The following CACNA2D3 variants were observed in gnomAD, a reference collection of about 807,000 sequenced individuals.
CACNA2D3 encodes calcium voltage-gated channel auxiliary subunit alpha2delta 3.
Under a neutral mutation model 160.6 loss-of-function variants are expected in CACNA2D3, and 60 were observed. The observed-to-expected ratio is 0.37, with a 90% CI of 0.30 to 0.46. The LOEUF is 0.46. CACNA2D3 is among the 20% of genes least tolerant of loss of function. The probability of loss-of-function intolerance (pLI) is 1.00; values close to 1 mark genes in which losing one functional copy is unlikely to be tolerated. For synonymous variants in CACNA2D3, 558 were observed against 492.9 expected (o/e 1.13, Z -1.75); for missense variants, 1,205 against 1,365.0 (o/e 0.88, Z 1.85).
At chr3:54,786,584 C>A (rs187983661) in intron 13 of CACNA2D3, among the ~76,000 whole-genome samples, 6 of 152,134 alleles carry the variant, frequency 3.9e-5, no homozygotes, top group African/African-American at 9.7e-5. Context: ...CCACAGTCTT[C>A]CTTGGCCTAG....
chr3:55,046,301 T>C (rs1310413571), intron 35 of CACNA2D3, among the ~76,000 whole-genome samples: 7 of 130,208 alleles, frequency 5.4e-5, no homozygotes, highest in Non-Finnish European at 9.8e-5. Context: ...CCTTCCTGTG[T>C]CCATGTGACC....
At chr3:54,808,775 C>T (rs1019537333) in intron 13 of CACNA2D3, among the ~76,000 whole-genome samples, 2 of 152,242 alleles carry the variant, frequency 1.3e-5, no homozygotes, top group South Asian at 2.1e-4. Flanking sequence ...CAGACCCTAT[C>T]ATTTCTTCAC....
intron 8 of CACNA2D3, among the ~76,000 whole-genome samples, chr3:54,573,452 G>T (rs1331297139): frequency 2.6e-5 from 4 of 152,184 alleles, no homozygotes; most frequent in African/African-American, 4.8e-5. Flanking sequence ...CTGTGTATAT[G>T]AGCACACAGT....
chr3:54,291,188 C>G (rs1429706328), intron 2 of CACNA2D3, among the ~76,000 whole-genome samples: 1 of 152,046 alleles, frequency 6.6e-6, no homozygotes, highest in Non-Finnish European at 1.5e-5. Context: ...TTATATTTTG[C>G]TTATGTCAGT....
chr3:54,155,780 C>T (rs986590249), intron 2 of CACNA2D3, among the ~76,000 whole-genome samples: 2 of 152,184 alleles, frequency 1.3e-5, no homozygotes, highest in African/African-American at 4.8e-5. Context: ...AGCACCAAAC[C>T]TGTGACCGTG....
chr3:54,775,188 A>G (rs1026472803), intron 13 of CACNA2D3, among the ~76,000 whole-genome samples: 35 of 152,210 alleles, frequency 2.3e-4, no homozygotes, highest in Non-Finnish European at 3.4e-4. Context: ...GGAGAAATCA[A>G]TCCAAAAGGA....
intron 11 of CACNA2D3, among the ~76,000 whole-genome samples, chr3:54,687,445 C>T (rs905359206): frequency 2.0e-5 from 3 of 151,736 alleles, no homozygotes; most frequent in South Asian, 4.2e-4. Flanking sequence ...CCACCATGCC[C>T]GGGCAAATTT....
chr3:54,626,716 A>G (rs1270716413), intron 9 of CACNA2D3: 44 of 730,948 alleles, frequency 6.0e-5, no homozygotes, highest in South Asian at 2.8e-4. Context: ...AAAAGAAAGA[A>G]AAAGAAAGGG....
chr3:54,554,004 C>T (rs915739485), intron 5 of CACNA2D3, among the ~76,000 whole-genome samples: 10 of 152,180 alleles, frequency 6.6e-5, no homozygotes, highest in Non-Finnish European at 1.0e-4. Context: ...CTTGCCACGA[C>T]CTCCCCACCT....
intron 31 of CACNA2D3, among the ~76,000 whole-genome samples, chr3:54,991,181 G>A (rs1204228109): frequency 6.6e-6 from 1 of 151,478 alleles, no homozygotes; most frequent in Non-Finnish European, 1.5e-5. Context: ...AGGGCCCAGT[G>A]CAAAATAAAA....
chr3:54,550,714 G>A (rs1019624713), intron 5 of CACNA2D3, among the ~76,000 whole-genome samples: 2 of 152,174 alleles, frequency 1.3e-5, no homozygotes, highest in Non-Finnish European at 2.9e-5. Flanking sequence ...TAAGGGGCAT[G>A]CCCCTCCCCT....
chr3:55,069,701 T>G (rs1214795730), intron 35 of CACNA2D3, among the ~76,000 whole-genome samples: 2 of 152,184 alleles, frequency 1.3e-5, no homozygotes, highest in Non-Finnish European at 2.9e-5. Flanking sequence ...AGAATTCACC[T>G]GGGGGTAGAT....
intron 12 of CACNA2D3, among the ~76,000 whole-genome samples, chr3:54,756,193 G>T (rs1701966265): frequency 6.6e-6 from 1 of 152,022 alleles, no homozygotes; most frequent in Non-Finnish European, 1.5e-5. Context: ...TTCCCTTCCT[G>T]TCTACATCCA....
At chr3:54,818,430 C>T (rs1703510820) in intron 14 of CACNA2D3, among the ~76,000 whole-genome samples, 1 of 152,196 alleles carries the variant, frequency 6.6e-6, no homozygotes, top group Admixed American at 6.5e-5. Flanking sequence ...ATCTGCCTGC[C>T]TCGGCCTCAA....
intron 2 of CACNA2D3, among the ~76,000 whole-genome samples, chr3:54,138,210 C>T (rs887284848): frequency 9.2e-5 from 14 of 152,252 alleles, no homozygotes; most frequent in African/African-American, 3.1e-4. Context: ...GGACTCTCAA[C>T]TGCATTTGCA....
chr3:54,699,657 T>C (rs1030066425), intron 11 of CACNA2D3, among the ~76,000 whole-genome samples: 1 of 152,204 alleles, frequency 6.6e-6, no homozygotes, highest in Non-Finnish European at 1.5e-5. Context: ...TTGGGACTTT[T>C]ATCAGACTGG....
intron 4 of CACNA2D3, among the ~76,000 whole-genome samples, chr3:54,464,433 C>T (rs369042938): frequency 3.9e-5 from 6 of 152,334 alleles, no homozygotes; most frequent in South Asian, 2.1e-4. Context: ...CCACCCAGTT[C>T]GAGCTTCCCG....
intron 8 of CACNA2D3, among the ~76,000 whole-genome samples, chr3:54,574,539 A>T (rs894605270): frequency 6.6e-6 from 1 of 152,250 alleles, no homozygotes; most frequent in Admixed American, 6.5e-5. Context: ...TGATTGAATT[A>T]TGAAAGAATA....
At chr3:54,439,554 G>A (rs1022885806) in intron 4 of CACNA2D3, among the ~76,000 whole-genome samples, 1 of 152,104 alleles carries the variant, frequency 6.6e-6, no homozygotes, top group Admixed American at 6.5e-5. Context: ...TCTTTTTGAG[G>A]CCAGTGCTGG....
Sources: gnomAD v4.1 joint callset for allele counts (sites outside exome capture counted in the v4.1 genomes callset) on GRCh38, gnomAD v4.1.1 for gene constraint, MANE v1.5 for transcripts, NCBI Gene and HGNC (gene_info 2026-07-23, HGNC 2026-07-21) for gene names.